Variants in CALN1 observed in about 807,000 individuals in gnomAD.
The protein encoded by CALN1 is calcium-binding protein 8.
A neutral mutation model predicts 30.6 loss-of-function variants in CALN1; 17 were observed. That is an observed-to-expected ratio of 0.56 (90% CI 0.38 to 0.83). CALN1 has a LOEUF of 0.83. Ranked by LOEUF, CALN1 falls within the 40% of genes least tolerant of loss-of-function variation. The pLI is 0.00. For missense variants in CALN1, 291 were observed against 354.9 expected, an observed-to-expected ratio of 0.82 and a Z score of 1.45; for synonymous variants, 156 against 131.4, an observed-to-expected ratio of 1.19 and a Z score of -1.28.
intron 5 of CALN1, among the ~76,000 whole-genome samples, chr7:71,927,546 G>T (rs969265210): frequency 4.6e-5 from 7 of 151,960 alleles, no homozygotes; most frequent in Non-Finnish European, 8.8e-5. Context: ...CTTTGGATGG[G>T]GTATGTGTTG....
At chr7:71,955,987 T>C (rs1322156776) in intron 5 of CALN1, among the ~76,000 whole-genome samples, 1 of 77,992 alleles carries the variant, frequency 1.3e-5, no homozygotes, top group Admixed American at 1.6e-4. Context: ...ATGTATGTTC[T>C]GGATTTTTTT....
At chr7:72,437,749 CCTTT>C (rs1195060480) in intron 1 of CALN1, among the ~76,000 whole-genome samples, 1 of 125,206 alleles carries the variant, frequency 8.0e-6, no homozygotes, top group Non-Finnish European at 1.6e-5. Flanking sequence ...ACCCTTCCTT[CCTTT>C]CTTTCCTTCC....
intron 1 of CALN1, among the ~76,000 whole-genome samples, chr7:72,438,049 A>G (rs1002209728): frequency 1.3e-5 from 2 of 151,612 alleles, no homozygotes; most frequent in African/African-American, 4.9e-5. Flanking sequence ...ATCATGGCTC[A>G]CTGCAGCCTT....
At position 72,058,508 on chromosome 7, in the gene CALN1, G is replaced by A. The variant is rs536353098; in HGVS notation, c.389-34739C>T. Among the ~76,000 whole-genome samples the A allele has an allele frequency of 1.9e-3, 287 of 151,812 alleles. 1 individual carries two copies. Among genetic ancestry groups the A allele is most frequent in the African/African-American group, 6.4e-3 (263 of 41,366 alleles). ...ATTTTTTTGTATTTTTAGTAGAGAT[G>A]GGGTTTCACCATGTTGGTCAGGCTG... is the stretch of plus-strand genomic sequence containing the variant. On this transcript the variant is annotated intron_variant, in intron 4 of 6. Transcript: ENST00000395275.
At chr7:72,009,910 G>A (rs113279217) in intron 5 of CALN1, among the ~76,000 whole-genome samples, 19,917 of 152,148 alleles carry the variant, frequency 0.13, 1,643 homozygotes, top group Middle Eastern at 0.22. Context: ...GTCTTTATCA[G>A]CAGCATGAAA....
At chr7:72,417,787 G>A (rs1807468479) in intron 1 of CALN1, among the ~76,000 whole-genome samples, 1 of 152,056 alleles carries the variant, frequency 6.6e-6, no homozygotes, top group Non-Finnish European at 1.5e-5. Flanking sequence ...TGGGTTTGAG[G>A]TAATCGGTGC....
chr7:72,393,062 C>A (rs1805680256), intron 2 of CALN1, among the ~76,000 whole-genome samples: 1 of 152,038 alleles, frequency 6.6e-6, no homozygotes, highest in Non-Finnish European at 1.5e-5. Context: ...CTCAGTGATT[C>A]CAATTTTTTC....
chr7:71,849,773 G>T (rs1399387079), intron 5 of CALN1, among the ~76,000 whole-genome samples: 5 of 151,978 alleles, frequency 3.3e-5, no homozygotes, highest in Non-Finnish European at 7.4e-5. Flanking sequence ...CCTCCTAAGT[G>T]GCTGGGGCTA....
intron 3 of CALN1, among the ~76,000 whole-genome samples, chr7:72,156,082 G>A (rs1055072378): frequency 1.3e-5 from 2 of 152,122 alleles, no homozygotes; most frequent in African/African-American, 4.8e-5. Context: ...GTTAGGACAT[G>A]AACATCTTTG....
intron 5 of CALN1, among the ~76,000 whole-genome samples, chr7:72,012,692 G>T (rs181723821): frequency 6.6e-6 from 1 of 152,314 alleles, no homozygotes; most frequent in Admixed American, 6.5e-5. Context: ...GCAGCAGAGG[G>T]TCATACAGTG....
At chr7:71,870,120 C>T (rs538910268) in intron 5 of CALN1, among the ~76,000 whole-genome samples, 4 of 152,238 alleles carry the variant, frequency 2.6e-5, no homozygotes, top group South Asian at 2.1e-4. Flanking sequence ...CAGTGGCTCA[C>T]GCCTGTAATC....
chr7:71,948,936 G>A (rs1796547906), intron 5 of CALN1, among the ~76,000 whole-genome samples: 1 of 147,562 alleles, frequency 6.8e-6, no homozygotes, highest in Non-Finnish European at 1.5e-5. Context: ...CCAGTTACTT[G>A]GGAGGCTAAG....
At chr7:72,411,566 CAGGCAATG>C (rs1302675895) in intron 1 of CALN1, among the ~76,000 whole-genome samples, 2 of 152,290 alleles carry the variant, frequency 1.3e-5, no homozygotes, top group East Asian at 3.9e-4. Flanking sequence ...TAATAAAACT[CAGGCAATG>C]AGCACTCAAA....
At chr7:72,267,319 T>C (rs1249981108) in intron 3 of CALN1, among the ~76,000 whole-genome samples, 1 of 152,194 alleles carries the variant, frequency 6.6e-6, no homozygotes, top group Non-Finnish European at 1.5e-5. Context: ...CAGAGCTTAC[T>C]GCACAGAAAC....
At chr7:72,392,931 C>G (rs1471257524) in intron 2 of CALN1, among the ~76,000 whole-genome samples, 4 of 151,846 alleles carry the variant, frequency 2.6e-5, no homozygotes, top group Non-Finnish European at 5.9e-5. Context: ...CCCAGAAGTT[C>G]AAGGCTGCAA....
chr7:72,226,648 G>C (rs1793696979), intron 3 of CALN1, among the ~76,000 whole-genome samples: 2 of 152,182 alleles, frequency 1.3e-5, no homozygotes, highest in Non-Finnish European at 2.9e-5. Context: ...AGATAAGAAA[G>C]AGGGCTGACA....
Position 72,090,449 on chromosome 7 carries a change from CGTCT to C in CALN1, c.388+15698_388+15701del, listed in dbSNP as rs559716827. ...AATATTATAATGAAAACATCAAAAC[CGTCT>C]ATTAAAATTTGAGAGATATTACTGA... On this transcript the variant is annotated intron_variant, in intron 4 of 6. Coordinates refer to ENST00000395275, the MANE Select transcript of CALN1 (RefSeq NM_031468.4). Among the ~76,000 whole-genome samples, 1,049 of 152,066 alleles carry C rather than the reference CGTCT, an allele frequency of 6.9e-3. 12 individuals carry two copies. The highest frequency in any genetic ancestry group is 0.021 in the African/African-American group (892 of 41,508).
chr7:72,105,837 A>G (rs1584952519), intron 4 of CALN1, among the ~76,000 whole-genome samples: 1 of 41,496 alleles, frequency 2.4e-5, no homozygotes, highest in Non-Finnish European at 4.4e-5. Context: ...GGGGATAGGG[A>G]TGGGGATGAG....
At chr7:72,208,953 T>TCCTC (rs1792102539) in intron 3 of CALN1, among the ~76,000 whole-genome samples, 2 of 151,850 alleles carry the variant, frequency 1.3e-5, no homozygotes, top group Admixed American at 1.3e-4. Flanking sequence ...CTTTCTTTCT[T>TCCTC]CCTCCCTCCC....
Sources: gnomAD v4.1 joint callset for allele counts (sites outside exome capture counted in the v4.1 genomes callset) on GRCh38, gnomAD v4.1.1 for gene constraint, MANE v1.5 for transcripts, NCBI Gene and HGNC (gene_info 2026-07-23, HGNC 2026-07-21) for gene names.